The following LEUTX variants were observed in gnomAD, a reference collection of about 807,000 sequenced individuals.
LEUTX encodes paired-like homeodomain transcription factor LEUTX.
Under a neutral mutation model 4.5 loss-of-function variants are expected in LEUTX, and 5 were observed. The observed-to-expected ratio is 1.11, with a 90% CI of 0.58 to 2.34. The LOEUF is 2.34. Among genes scored for constraint, LEUTX ranks in the 30% most tolerant of loss-of-function variants. The pLI is 0.01. For missense variants in LEUTX, 233 were observed against 239.4 expected, an observed-to-expected ratio of 0.97 and a Z score of 0.18; for synonymous variants, 89 against 85.1, an observed-to-expected ratio of 1.05 and a Z score of -0.25.
chr19:39,777,712 G>C (rs1967816290), upstream of LEUTX, among the ~76,000 whole-genome samples: 1 of 152,176 alleles, frequency 6.6e-6, no homozygotes, highest in Admixed American at 6.5e-5. Context: ...ACTTTGGCAG[G>C]CCAAGGCTGG....
upstream of LEUTX, among the ~76,000 whole-genome samples, chr19:39,777,069 C>T (rs1967807558): frequency 6.6e-6 from 1 of 152,178 alleles, no homozygotes; most frequent in Non-Finnish European, 1.5e-5. Flanking sequence ...GGCCTCTTAT[C>T]TGCACCTCAG....
Position 39,785,703 on chromosome 19 carries a change from G to A in LEUTX, c.165G>A (p.Trp55Ter). 6.4e-7 allele frequency: 1 copy of A among 1,551,642 alleles called. No individual in the cohort carries two copies. Among genetic ancestry groups the A allele is most frequent in the South Asian group, 1.2e-5 (1 of 84,030 alleles). ...CCCCCCTCCTCCCTCCTTAGATCTG[G>A]TTCAAGAACCAGCGTGCCAAATGGA... The part of the protein sequence containing the change: ...LQLDLSVVKI[W>*]FKNQRAKWKR... Residue 55 changes from tryptophan (W) to a stop codon, truncating the protein, a stop_gained, in exon 3 of 3, where the codon TGG becomes TGA. Transcript: ENST00000638280. LOFTEE classifies it low-confidence loss of function (END_TRUNC).
At chr19:39,778,669 T>C (rs1465345274), upstream of LEUTX, among the ~76,000 whole-genome samples, 1 of 151,310 alleles carries the variant, frequency 6.6e-6, no homozygotes, top group Non-Finnish European at 1.5e-5. Flanking sequence ...CAGTCTTTTT[T>C]TTTTTTTTTT....
At position 39,784,685 on chromosome 19, in the gene LEUTX, T is replaced by A. The variant is rs1412321767; in HGVS notation, c.159+7T>A. ...TGATCTATCCGTAGTAAAGGTCTGT[T>A]CCCAAGTGTGTCTGTAGGTAGCACG... On this transcript the variant is annotated splice_region_variant and intron_variant, in intron 2 of 2. Transcript: ENST00000638280. 1 of 1,550,572 alleles carries A rather than the reference T, an allele frequency of 6.4e-7. No homozygotes were observed. The highest frequency in any genetic ancestry group is 1.7e-4 in the Middle Eastern group (1 of 5,986).
At chr19:39,783,741 C>T (rs1599617997) in intron 1 of LEUTX, among the ~76,000 whole-genome samples, 2 of 151,924 alleles carry the variant, frequency 1.3e-5, no homozygotes, top group South Asian at 4.2e-4. Context: ...TGATGTTGAG[C>T]ATTTTTTCAT....
chr19:39,781,069 T>A (rs916949832), intron 1 of LEUTX, among the ~76,000 whole-genome samples: 1 of 152,064 alleles, frequency 6.6e-6, no homozygotes, highest in Non-Finnish European at 1.5e-5. Flanking sequence ...CTTTTTCTCT[T>A]CCACTTTCCC....
intron 1 of LEUTX, among the ~76,000 whole-genome samples, chr19:39,782,736 A>G (rs1967904680): frequency 6.6e-6 from 1 of 152,178 alleles, no homozygotes; most frequent in African/African-American, 2.4e-5. Flanking sequence ...TTTTCTAGGA[A>G]TGCAGAACAC....
chr19:39,777,896 G>A (rs190360249), upstream of LEUTX, among the ~76,000 whole-genome samples: 71 of 152,292 alleles, frequency 4.7e-4, no homozygotes, highest in African/African-American at 1.4e-3. Context: ...GAGTTCTTTC[G>A]CTAGTCCAAG....
rs199982832 is a variant in LEUTX, at chr19:39,783,364, T to C, written c.8-1163T>C. Among the ~76,000 whole-genome samples the C allele has an allele frequency of 8.0e-4, 108 of 134,432 alleles. 1 individual carries two copies. In the East Asian group the frequency reaches 9.1e-3, roughly 11 times the overall value. 88.2% of individuals were successfully genotyped at this position (134,432 alleles called of 152,430 possible). On this transcript the variant is annotated intron_variant, in intron 1 of 2. Transcript: ENST00000638280. Reference sequence around the variant, plus strand: ...TTATATATATATACATATATATATATACACACACACACACACACACCACAG... The same window carrying C: ...TTATATATATATACATATATATATACACACACACACACACACACACCACAG...
At chr19:39,780,174 T>A (rs1032158407) in intron 1 of LEUTX, among the ~76,000 whole-genome samples, 1 of 152,242 alleles carries the variant, frequency 6.6e-6, no homozygotes, top group Admixed American at 6.5e-5. Context: ...ATTTTCCTAT[T>A]GTTTAATACT....
chr19:39,782,509 C>A (rs1967901547), intron 1 of LEUTX, among the ~76,000 whole-genome samples: 1 of 152,160 alleles, frequency 6.6e-6, no homozygotes, highest in Admixed American at 6.6e-5. Context: ...GTCCATTAAA[C>A]TTCTTTCCTT....
chr19:39,783,665 A>AT (rs527738364), intron 1 of LEUTX, among the ~76,000 whole-genome samples: 33 of 149,934 alleles, frequency 2.2e-4, no homozygotes, highest in African/African-American at 4.9e-4. Flanking sequence ...GCCAACATCT[A>AT]TTTTTTTTTA....
At position 39,785,874 on chromosome 19, in the gene LEUTX, C is replaced by A. The variant is rs1396666017; in HGVS notation, c.336C>A (p.Asp112Glu). ...GTCCTGGAATCTCTGATGCAAATGACCATGATCTACGTGAGCCTTCTGGTA... is the reference window on the plus strand; with the variant it reads ...GTCCTGGAATCTCTGATGCAAATGAACATGATCTACGTGAGCCTTCTGGTA... The part of the protein sequence containing the change: ...PVSPGISDAN[D>E]HDLREPSGIK... Residue 112 changes from aspartate to glutamate, a missense_variant, in exon 3 of 3, where the codon GAC becomes GAA. Physicochemically the swap from Asp to Glu is conservative, Grantham distance 45 (BLOSUM62 2). Coordinates refer to ENST00000638280, the MANE Select transcript of LEUTX (RefSeq NM_001382345.1). 1 of 1,551,660 alleles carries A rather than the reference C, an allele frequency of 6.4e-7. No homozygotes were observed. Among genetic ancestry groups the A allele is most frequent in the Admixed American group, 2.0e-5 (1 of 50,988 alleles).
At chr19:39,781,335 A>G (rs1967883639) in intron 1 of LEUTX, among the ~76,000 whole-genome samples, 2 of 152,206 alleles carry the variant, frequency 1.3e-5, no homozygotes, top group Non-Finnish European at 2.9e-5. Context: ...AAACTTTCCT[A>G]TAAAATAGAT....
At chr19:39,785,191 C>T (rs1184555836) in intron 2 of LEUTX, among the ~76,000 whole-genome samples, 1 of 152,198 alleles carries the variant, frequency 6.6e-6, no homozygotes, top group African/African-American at 2.4e-5. Context: ...GTAATCCCAG[C>T]ACTTTGGGAG....
chr19:39,782,426 C>T (rs1314588963), intron 1 of LEUTX, among the ~76,000 whole-genome samples: 2 of 152,152 alleles, frequency 1.3e-5, no homozygotes, highest in African/African-American at 2.4e-5. Flanking sequence ...CTTGCCACCA[C>T]GTAAGATGTG....
chr19:39,786,227 G>A lies in LEUTX; in HGVS notation c.*92G>A. ...TAATGGTTTGACCCCAGTCTAAGTAGATCAGGGGCTGGGAATTTATCTTTT... is the reference window on the plus strand; with the variant it reads ...TAATGGTTTGACCCCAGTCTAAGTAAATCAGGGGCTGGGAATTTATCTTTT... On this transcript the variant is annotated 3_prime_UTR_variant, in exon 3 of 3. Transcript: ENST00000638280. 2 of 927,778 alleles carry A rather than the reference G, an allele frequency of 2.2e-6. No individual in the cohort carries two copies. The highest frequency in any genetic ancestry group is 3.1e-6 in the Non-Finnish European group (2 of 647,582). The allele number at this position is 927,778 out of a possible 1,614,324, so 57.5% of individuals were successfully genotyped here.
chr19:39,777,799 G>A (rs928579451), upstream of LEUTX, among the ~76,000 whole-genome samples: 3 of 152,194 alleles, frequency 2.0e-5, no homozygotes, highest in African/African-American at 7.2e-5. Flanking sequence ...GGGCAACAGA[G>A]TGAGACCCTA....
chr19:39,777,953 A>G (rs186374908), upstream of LEUTX, among the ~76,000 whole-genome samples: 1,113 of 152,200 alleles, frequency 7.3e-3, 4 homozygotes, highest in Admixed American at 0.016. Context: ...GCGGGAGAGG[A>G]CAGAGTTGAG....
Sources: allele counts gnomAD v4.1 joint callset (sites outside exome capture counted in the v4.1 genomes callset), GRCh38; gene constraint gnomAD v4.1.1; transcripts MANE v1.5; gene names NCBI Gene and HGNC (gene_info 2026-07-23, HGNC 2026-07-21).